Variants in ANKH observed in about 807,000 individuals in gnomAD.
ANKH encodes mineralization regulator ANKH.
A neutral mutation model predicts 49.0 loss-of-function variants in ANKH; 15 were observed. The observed-to-expected ratio is 0.31, with a 90% CI of 0.20 to 0.47. The LOEUF (loss-of-function observed/expected upper bound fraction) is 0.47, where lower values mean the gene tolerates loss of function less well. Ranked by LOEUF, ANKH falls within the 20% of genes least tolerant of loss-of-function variation. The pLI is 1.00. For synonymous variants in ANKH, 273 were observed against 260.0 expected (o/e 1.05, Z -0.48); for missense variants, 429 against 652.0 (o/e 0.66, Z 3.72).
intron 8 of ANKH, among the ~76,000 whole-genome samples, chr5:14,728,714 C>T (rs988282593): frequency 6.6e-6 from 1 of 152,146 alleles, no homozygotes; most frequent in East Asian, 1.9e-4. Flanking sequence ...TTCTCATGAA[C>T]GGAATTTCTA....
chr5:14,797,440 A>C lies in ANKH; in HGVS notation c.97-28249T>G. The C allele has an allele frequency of 5.6e-6, 9 of 1,611,198 alleles. No homozygotes were observed. In the South Asian group the frequency reaches 8.8e-5, roughly 16 times the overall value. On this transcript the variant is annotated intron_variant, in intron 1 of 11. Transcript: ENST00000284268. Reference sequence around the variant, plus strand: ...TTGTGAGGTGACCACTGAACCTGGAATATTTCATCCTTATGTGACTCAAAG... The same window carrying C: ...TTGTGAGGTGACCACTGAACCTGGACTATTTCATCCTTATGTGACTCAAAG...
intron 9 of ANKH, 64 bp downstream of exon 9, chr5:14,716,642 A>G (rs1737472895): frequency 1.2e-6 from 2 of 1,605,192 alleles, no homozygotes; most frequent in African/African-American, 1.3e-5. Flanking sequence ...AAACATTTCC[A>G]AAGAAAGATT....
intron 1 of ANKH, among the ~76,000 whole-genome samples, chr5:14,789,803 C>T (rs1339563512): frequency 3.3e-5 from 5 of 152,104 alleles, no homozygotes; most frequent in South Asian, 2.1e-4. Flanking sequence ...CTCCGATTCC[C>T]GGGCTCAAGT....
intron 2 of ANKH, among the ~76,000 whole-genome samples, chr5:14,767,701 T>A (rs58572170): frequency 0.08 from 12,129 of 152,082 alleles, 534 homozygotes; most frequent in Middle Eastern, 0.12. Context: ...TATTTATAAG[T>A]CCAAGTAAAA....
At chr5:14,773,915 C>T (rs1561049157) in intron 1 of ANKH, among the ~76,000 whole-genome samples, 1 of 152,206 alleles carries the variant, frequency 6.6e-6, no homozygotes, top group Non-Finnish European at 1.5e-5. Flanking sequence ...AGAAACACTT[C>T]TTAAAATCAC....
intron 4 of ANKH, 106 bp from the exon 5 acceptor site, chr5:14,751,345 T>C (rs563829773): frequency 4.3e-5 from 53 of 1,221,194 alleles, no homozygotes; most frequent in Admixed American, 5.9e-5. Context: ...TGAGCAAAGA[T>C]CTTGACTTTT....
At chr5:14,772,177 C>G (rs916905347) in intron 1 of ANKH, among the ~76,000 whole-genome samples, 5 of 152,290 alleles carry the variant, frequency 3.3e-5, no homozygotes, top group African/African-American at 1.2e-4. Flanking sequence ...GGCAGAAGCA[C>G]AGGCAGAGCT....
chr5:14,761,553 T>C (rs982922420), intron 2 of ANKH, among the ~76,000 whole-genome samples: 2 of 151,110 alleles, frequency 1.3e-5, no homozygotes, highest in Non-Finnish European at 3.0e-5. Context: ...TGCACTGAAA[T>C]GTGACAATGT....
intron 2 of ANKH, among the ~76,000 whole-genome samples, chr5:14,759,890 AAAT>A (rs1190470976): frequency 1.3e-5 from 2 of 151,948 alleles, no homozygotes; most frequent in African/African-American, 4.8e-5. Context: ...AAAGACAAGA[AAAT>A]AATAATCTTC....
intron 5 of ANKH, 80 bp from the exon 6 acceptor site, chr5:14,749,386 C>T (rs1240565094): frequency 6.0e-6 from 9 of 1,511,022 alleles, no homozygotes; most frequent in Non-Finnish European, 8.2e-6. Context: ...AAAGCTTTTC[C>T]TTCGTATGTT....
chr5:14,785,743 T>C (rs1739953380), intron 1 of ANKH, among the ~76,000 whole-genome samples: 1 of 152,220 alleles, frequency 6.6e-6, no homozygotes, highest in South Asian at 2.1e-4. Context: ...CTCCTTAGTA[T>C]ATGTTTATTA....
chr5:14,851,541 C>T (rs2126621858), intron 1 of ANKH, among the ~76,000 whole-genome samples: 1 of 152,264 alleles, frequency 6.6e-6, no homozygotes, highest in Non-Finnish European at 1.5e-5. Flanking sequence ...GTGAATTGTG[C>T]ACCAGGCAAG....
intron 1 of ANKH, among the ~76,000 whole-genome samples, chr5:14,846,840 A>T (rs937379139): frequency 1.5e-4 from 22 of 151,228 alleles, no homozygotes; most frequent in African/African-American, 5.4e-4. Flanking sequence ...AAAAACACAC[A>T]CACGCACACA....
In ANKH at chr5:14,782,472, C is replaced by G. The variant is rs566217635; in HGVS notation, c.97-13281G>C. Among the ~76,000 whole-genome samples the G allele has an allele frequency of 1.0e-3, 156 of 152,212 alleles. 1 individual carries two copies. Among genetic ancestry groups the G allele is most frequent in the Middle Eastern group, 3.4e-3 (1 of 294 alleles). On this transcript the variant is annotated intron_variant, in intron 1 of 11. Transcript: ENST00000284268. ...AACCCTCATTCTATTATACTAAAAC[C>G]AAAGTAAAGTAAAACCCTTTACTTT...
At position 14,835,487 on chromosome 5, in the gene ANKH, G is replaced by T. The variant is rs1448923081; in HGVS notation, c.96+35865C>A. Among the ~76,000 whole-genome samples, 8 of 152,252 alleles carry T rather than the reference G, an allele frequency of 5.3e-5. No individual in the cohort carries two copies. The East Asian group carries it at 1.5e-3, about 29-fold the overall frequency. On this transcript the variant is annotated intron_variant, in intron 1 of 11. Transcript: ENST00000284268. ...ATCTCAGTGCGTTCAGTGGTGAAAA[G>T]CCACATGAATCCTACACTCTTCCCT... is the stretch of plus-strand genomic sequence containing the variant.
chr5:14,768,240 G>C (rs986455293), intron 2 of ANKH: 2 of 152,292 alleles, frequency 1.3e-5, no homozygotes, highest in African/African-American at 2.4e-5. Flanking sequence ...GTACACAATG[G>C]GTTTATGAAG....
intron 2 of ANKH, among the ~76,000 whole-genome samples, chr5:14,763,025 C>T (rs1288993709): frequency 6.6e-6 from 1 of 152,212 alleles, no homozygotes; most frequent in East Asian, 1.9e-4. Context: ...ACAGAAAGTG[C>T]CCTTCAGATC....
At chr5:14,718,057 C>T (rs912344970) in intron 8 of ANKH, among the ~76,000 whole-genome samples, 5 of 152,138 alleles carry the variant, frequency 3.3e-5, no homozygotes, top group Admixed American at 6.5e-5. Context: ...AGGTAGGTGA[C>T]TGGAAATGGT....
Position 14,771,921 on chromosome 5 carries a change from G to GAAA in ANKH, c.97-2733_97-2731dup, listed in dbSNP as rs869185652. Among the ~76,000 whole-genome samples, 429 of 53,310 alleles carry GAAA rather than the reference G, an allele frequency of 8.0e-3. 12 individuals are homozygous for GAAA. The highest frequency in any genetic ancestry group is 0.028 in the African/African-American group (407 of 14,420). The allele number at this position is 53,310 out of a possible 152,430, so 35.0% of individuals were successfully genotyped here. ...AGAGTGAGACTGTGTCTCAAAAAAA[G>GAAA]AAAAAAAAAAAAAAAAAAAAAAAAA... On this transcript the variant is annotated intron_variant, in intron 1 of 11. Coordinates refer to ENST00000284268, the MANE Select transcript of ANKH (RefSeq NM_054027.6).
Sources: allele counts gnomAD v4.1 joint callset (sites outside exome capture counted in the v4.1 genomes callset), GRCh38; gene constraint gnomAD v4.1.1; transcripts MANE v1.5; gene names NCBI Gene and HGNC (gene_info 2026-07-23, HGNC 2026-07-21).